Variants in MYH13 observed in about 807,000 individuals in gnomAD.
MYH13 encodes myosin-13.
A neutral mutation model predicts 232.1 loss-of-function variants in MYH13; 177 were observed. The ratio of observed to expected loss-of-function variants is 0.76; its 90% CI spans 0.67 to 0.86. The LOEUF is 0.86. Ranked by LOEUF, MYH13 falls within the 40% of genes least tolerant of loss-of-function variation. The probability of loss-of-function intolerance (pLI) is 0.00; values close to 1 mark genes in which losing one functional copy is unlikely to be tolerated. For missense variants in MYH13, 2,246 were observed against 2,405.9 expected, an observed-to-expected ratio of 0.93 and a Z score of 1.39; for synonymous variants, 884 against 923.5, an observed-to-expected ratio of 0.96 and a Z score of 0.78.
chr17:10,368,094 AAT>A (rs1239642935), intron 2 of MYH13, among the ~76,000 whole-genome samples: 2 of 152,188 alleles, frequency 1.3e-5, no homozygotes, highest in African/African-American at 4.8e-5. Context: ...TGGTTCACTG[AAT>A]TATATAGTAC....
At position 10,332,091 on chromosome 17, in the gene MYH13, G is replaced by A. The variant is rs762372242; in HGVS notation, c.2298+8C>T. On this transcript the variant is annotated splice_region_variant and intron_variant, in intron 20 of 40. Transcript: ENST00000252172. ...TACTAGGGGAGTCCCAGCCTTGCCT[G>A]TGCTCACCTTGGTGTTGCCGAACCT... is the stretch of plus-strand genomic sequence containing the variant. 5.0e-6 allele frequency: 8 copies of A among 1,613,750 alleles called. No individual in the cohort carries two copies. The South Asian group carries it at 8.8e-5, about 18-fold the overall frequency.
intron 22 of MYH13, among the ~76,000 whole-genome samples, chr17:10,326,850 G>C (rs1049168454): frequency 2.9e-5 from 4 of 138,446 alleles, no homozygotes; most frequent in African/African-American, 1.1e-4. Context: ...GGGTCTCACT[G>C]TGTTGCCCAG....
At chr17:10,327,178 T>A (rs931582515) in intron 22 of MYH13, among the ~76,000 whole-genome samples, 2 of 145,252 alleles carry the variant, frequency 1.4e-5, no homozygotes, top group Non-Finnish European at 1.5e-5. Flanking sequence ...ATTTTTTGTA[T>A]TTTTAGTAGA....
rs369473556 is a variant in MYH13, at chr17:10,321,659, T to C, written c.2984A>G (p.Lys995Arg). The C allele has an allele frequency of 1.2e-6, 2 of 1,613,680 alleles. No individual in the cohort carries two copies. The highest frequency in any genetic ancestry group is 2.7e-5 in the African/African-American group (2 of 74,930). The stretch of plus-strand genomic sequence containing the variant: ...TAGAGATTTCTTTTCTTTGGTCAAT[T>C]TGGAAATGTTTTCTTCAAGTGCTGT... ...EMTALEENIS[K>R]LTKEKKSLQE... Residue 995 changes from lysine to arginine, a missense_variant, in exon 24 of 41, where the codon AAA becomes AGA. Physicochemically the swap from Lys to Arg is conservative, Grantham distance 26 (BLOSUM62 2). Coordinates refer to ENST00000252172, the MANE Select transcript of MYH13 (RefSeq NM_003802.3).
intron 22 of MYH13, among the ~76,000 whole-genome samples, chr17:10,325,502 A>G (rs1413358942): frequency 6.6e-6 from 1 of 152,138 alleles, no homozygotes; most frequent in African/African-American, 2.4e-5. Context: ...AGTTCTACCT[A>G]TGTCTCCTTA....
At chr17:10,307,586 A>C (rs1906335521) in intron 35 of MYH13, among the ~76,000 whole-genome samples, 1 of 152,182 alleles carries the variant, frequency 6.6e-6, no homozygotes, top group Non-Finnish European at 1.5e-5. Flanking sequence ...AATGTGATAA[A>C]ATGTTCCACC....
At chr17:10,305,509 G>C (rs182649581) in intron 37 of MYH13, among the ~76,000 whole-genome samples, 1 of 152,068 alleles carries the variant, frequency 6.6e-6, no homozygotes, top group Non-Finnish European at 1.5e-5. Context: ...GGATATCCTC[G>C]GGTGGTTTGC....
At chr17:10,326,981 G>GTTTTTTT (rs61543278) in intron 22 of MYH13, among the ~76,000 whole-genome samples, 2,097 of 55,828 alleles carry the variant, frequency 0.038, 968 homozygotes, top group Middle Eastern at 0.047. Flanking sequence ...ATGCCTACTA[G>GTTTTTTT]TTTTTTTTTT....
chr17:10,355,306 G>GA (rs966220611), intron 8 of MYH13, among the ~76,000 whole-genome samples, 159 bp from the exon 9 acceptor site: 4 of 152,278 alleles, frequency 2.6e-5, no homozygotes, highest in Admixed American at 2.6e-4. Flanking sequence ...TTGCATTTTG[G>GA]AATGCTGTGA....
At chr17:10,322,260 T>C (rs1048587217) in intron 23 of MYH13, among the ~76,000 whole-genome samples, 6 of 150,314 alleles carry the variant, frequency 4.0e-5, no homozygotes, top group Non-Finnish European at 7.4e-5. Context: ...TAGCCAGGCA[T>C]GGTGGTGGGC....
intron 21 of MYH13, among the ~76,000 whole-genome samples, chr17:10,328,335 C>T (rs75900236): frequency 3.4e-4 from 52 of 152,262 alleles, no homozygotes; most frequent in African/African-American, 1.3e-3. Context: ...TAGGAGAGGG[C>T]GTGGAGCTAC....
At chr17:10,345,865 C>A (rs958808607) in intron 13 of MYH13, among the ~76,000 whole-genome samples, 9 of 151,548 alleles carry the variant, frequency 5.9e-5, no homozygotes, top group Non-Finnish European at 4.4e-5. Flanking sequence ...TGGTGGCAGG[C>A]GCCTGTAGTC....
Position 10,306,369 on chromosome 17 carries a change from CA to C in MYH13, c.5466+89del. 1 of 1,557,268 alleles carries C rather than the reference CA, an allele frequency of 6.4e-7. No homozygotes were observed. ...AAACTGAATTTGCAATCTATTCATT[CA>C]GTGGCCTTTTCCCACCATCTCAGTT... is the stretch of plus-strand genomic sequence containing the variant. On this transcript the variant is annotated intron_variant, in intron 37 of 40. Transcript: ENST00000252172. This position sits in a 1 kb window ranked among gnomAD's most constrained non-coding sequence, Gnocchi z 4.3.
At chr17:10,322,535 G>C (rs1264829214) in intron 23 of MYH13, among the ~76,000 whole-genome samples, 3 of 151,924 alleles carry the variant, frequency 2.0e-5, no homozygotes, top group Admixed American at 2.0e-4. Context: ...TTCCAGATCA[G>C]AAGTTGCTAA....
intron 12 of MYH13, among the ~76,000 whole-genome samples, chr17:10,350,244 C>A (rs1243296277): frequency 6.6e-6 from 1 of 152,154 alleles, no homozygotes; most frequent in African/African-American, 2.4e-5. Context: ...GTTCACCTAA[C>A]AATATTGTCT....
rs1312439476 is a variant in MYH13, at chr17:10,332,233, A to G, written c.2175-11T>C. The G allele has an allele frequency of 6.2e-7, 1 of 1,612,744 alleles. No homozygotes were observed. On this transcript the variant is annotated splice_polypyrimidine_tract_variant and intron_variant, in intron 19 of 40. Transcript: ENST00000252172. ...TTGAGGATCCGGTACCTAAGGAGAG[A>G]GGACATTTCCCAAATGGATTCCAAT... is the stretch of plus-strand genomic sequence containing the variant.
At chr17:10,333,507 G>A (rs1907484250) in intron 18 of MYH13, among the ~76,000 whole-genome samples, 1 of 152,358 alleles carries the variant, frequency 6.6e-6, no homozygotes, top group South Asian at 2.1e-4. Flanking sequence ...AGTACAGGGT[G>A]CACTTGGGCT....
chr17:10,309,815 C>G lies in MYH13; in HGVS notation c.4672G>C (p.Glu1558Gln). The change falls in exon 34 of 41, where the codon GAG (glutamate) becomes CAG (glutamine). Residue 1558 changes from glutamate to glutamine, a missense_variant. By Grantham distance (29) the Glu-to-Gln change is conservative. Transcript: ENST00000252172. ...LEEVEGSLEHEESKILRVQLE... is the reference protein window; with the variant it reads ...LEEVEGSLEHQESKILRVQLE... Reference sequence around the variant, plus strand: ...TGCACGCGCAAGATCTTGCTCTCCTCGTGTTCCAAGGAACCCTGACGAAAG... The same window carrying G: ...TGCACGCGCAAGATCTTGCTCTCCTGGTGTTCCAAGGAACCCTGACGAAAG... 6.3e-7 allele frequency: 1 copy of G among 1,581,450 alleles called. No homozygotes were observed. Among genetic ancestry groups the G allele is most frequent in the Non-Finnish European group, 8.6e-7 (1 of 1,162,532 alleles).
At chr17:10,342,856 C>G (rs567485940) in intron 16 of MYH13, among the ~76,000 whole-genome samples, 16 of 152,106 alleles carry the variant, frequency 1.1e-4, no homozygotes, top group African/African-American at 3.6e-4. Flanking sequence ...TTTGGGAGGT[C>G]GAGGCGGGTG....
Sources: gnomAD v4.1 joint callset for allele counts (sites outside exome capture counted in the v4.1 genomes callset) on GRCh38, gnomAD v4.1.1 for gene constraint, Gnocchi (gnomAD v3.1) non-coding constraint, MANE v1.5 for transcripts, NCBI Gene and HGNC (gene_info 2026-07-23, HGNC 2026-07-21) for gene names.